The following LRRC1 variants were observed in gnomAD, a reference collection of about 807,000 sequenced individuals.
The protein encoded by LRRC1 is leucine-rich repeat-containing protein 1.
Under a neutral mutation model 69.9 loss-of-function variants are expected in LRRC1, and 28 were observed. The observed-to-expected ratio is 0.40, with a 90% CI of 0.30 to 0.55. The LOEUF (loss-of-function observed/expected upper bound fraction) is 0.55, where lower values mean the gene tolerates loss of function less well. Among genes scored for constraint, LRRC1 ranks in the 20% least tolerant of loss-of-function variants. The pLI, the probability that LRRC1 is intolerant of heterozygous loss-of-function variation, is 0.47. For missense variants in LRRC1, 498 were observed against 609.0 expected (o/e 0.82, Z 1.92); for synonymous variants, 236 against 240.2 (o/e 0.98, Z 0.16).
intron 2 of LRRC1, among the ~76,000 whole-genome samples, chr6:53,871,641 T>TA (rs1254883218): frequency 6.6e-6 from 1 of 152,174 alleles, no homozygotes; most frequent in African/African-American, 2.4e-5. Flanking sequence ...TTAAGTTTGA[T>TA]AAAATCCCAT....
In LRRC1 at chr6:53,923,699, A is replaced by G. The variant is rs1347526748; in HGVS notation, c.*906A>G. On this transcript the variant is annotated 3_prime_UTR_variant, in exon 14 of 14. Transcript: ENST00000370888. ...TACTCTGATGGTATGTGCCATTTGT[A>G]AAATAAAATAGAGCAGAAAAACACA... The G allele has an allele frequency of 6.6e-6, 1 of 152,636 alleles. No homozygotes were observed. Among genetic ancestry groups the G allele is most frequent in the African/African-American group, 2.4e-5 (1 of 41,440 alleles). The allele number at this position is 152,636 out of a possible 1,614,324, so 9.5% of individuals were successfully genotyped here. A position where few individuals can be genotyped will look rare whatever the true frequency, so the allele number is the denominator to read the frequency against.
At chr6:53,813,452 G>C (rs1228976538) in intron 1 of LRRC1, among the ~76,000 whole-genome samples, 1 of 151,876 alleles carries the variant, frequency 6.6e-6, no homozygotes, top group Non-Finnish European at 1.5e-5. Flanking sequence ...ACCAGAGAGT[G>C]CATGCCCCCT....
intron 2 of LRRC1, among the ~76,000 whole-genome samples, chr6:53,864,688 C>T (rs1234406691): frequency 6.6e-6 from 1 of 152,166 alleles, no homozygotes; most frequent in Non-Finnish European, 1.5e-5. Context: ...ATACCCGGTA[C>T]ATAACAGGCC....
intron 2 of LRRC1, among the ~76,000 whole-genome samples, chr6:53,852,002 T>A (rs1015540059): frequency 6.6e-6 from 1 of 152,250 alleles, no homozygotes; most frequent in African/African-American, 2.4e-5. Context: ...AGGTTTATGT[T>A]TGAGGAATCC....
At chr6:53,903,094 C>A (rs533492290) in intron 9 of LRRC1, among the ~76,000 whole-genome samples, 2 of 152,264 alleles carry the variant, frequency 1.3e-5, no homozygotes, top group South Asian at 2.1e-4. Context: ...CATCAGGATT[C>A]CTCTGGCCTC....
At chr6:53,840,085 G>A (rs78309599) in intron 1 of LRRC1, among the ~76,000 whole-genome samples, 28,382 of 151,994 alleles carry the variant, frequency 0.19, 2,902 homozygotes, top group Middle Eastern at 0.33. Flanking sequence ...GCCTTTCTCT[G>A]TTTTGTTGAT....
chr6:53,899,044 G>A (rs1177068340), intron 7 of LRRC1, among the ~76,000 whole-genome samples: 3 of 152,222 alleles, frequency 2.0e-5, no homozygotes, highest in Non-Finnish European at 4.4e-5. Flanking sequence ...AGGTAAAGGA[G>A]TAATGAGGTT....
intron 4 of LRRC1, among the ~76,000 whole-genome samples, chr6:53,884,832 T>C (rs1279883017): frequency 6.6e-6 from 1 of 152,248 alleles, no homozygotes; most frequent in Non-Finnish European, 1.5e-5. Flanking sequence ...TTTTTTATAA[T>C]GTTCATTATT....
intron 10 of LRRC1, among the ~76,000 whole-genome samples, chr6:53,911,944 C>T (rs1768425609): frequency 6.6e-6 from 1 of 152,154 alleles, no homozygotes. Flanking sequence ...TATATTGGGG[C>T]TTGATGTTTC....
At chr6:53,799,794 TA>T (rs1311497642) in intron 1 of LRRC1, among the ~76,000 whole-genome samples, 1 of 152,234 alleles carries the variant, frequency 6.6e-6, no homozygotes, top group Non-Finnish European at 1.5e-5. Context: ...GTTCTGTTTC[TA>T]GGGGGCAGGG....
chr6:53,890,948 TAACTC>T (rs929024773), intron 4 of LRRC1, among the ~76,000 whole-genome samples: 2 of 152,206 alleles, frequency 1.3e-5, no homozygotes, highest in African/African-American at 4.8e-5. Flanking sequence ...GGAAAAAAAT[TAACTC>T]AAGTGGGTTA....
At chr6:53,851,177 C>CACAT (rs921001721) in intron 2 of LRRC1, among the ~76,000 whole-genome samples, 2 of 74,186 alleles carry the variant, frequency 2.7e-5, no homozygotes, top group Non-Finnish European at 5.7e-5. Context: ...TAATAGGACA[C>CACAT]ACACACACAC....
At chr6:53,859,413 A>G (rs936175561) in intron 2 of LRRC1, among the ~76,000 whole-genome samples, 17 of 152,214 alleles carry the variant, frequency 1.1e-4, no homozygotes, top group African/African-American at 4.1e-4. Flanking sequence ...TAAGAAATGC[A>G]TGCAACTTTA....
At chr6:53,903,564 CCTTTTCCTTTTCG>C (rs56737135) in intron 9 of LRRC1, among the ~76,000 whole-genome samples, 30,031 of 150,908 alleles carry the variant, frequency 0.2, 3,414 homozygotes, top group East Asian at 0.5. Context: ...TTTCCCTTTT[CCTTTTCCTTTTCG>C]CTTTTCCTTT....
chr6:53,804,774 A>G (rs976187982), intron 1 of LRRC1, among the ~76,000 whole-genome samples: 9 of 152,232 alleles, frequency 5.9e-5, no homozygotes, highest in Non-Finnish European at 1.3e-4. Flanking sequence ...TTCAAGAAGC[A>G]TATTTGCTGA....
intron 1 of LRRC1, among the ~76,000 whole-genome samples, chr6:53,826,327 G>T: frequency 6.6e-6 from 1 of 151,362 alleles, no homozygotes; most frequent in East Asian, 1.9e-4. Flanking sequence ...TTTGGTTTAT[G>T]TTAATAGAGG....
intron 2 of LRRC1, among the ~76,000 whole-genome samples, chr6:53,845,075 G>A (rs1157220010): frequency 6.6e-6 from 1 of 152,114 alleles, no homozygotes; most frequent in Non-Finnish European, 1.5e-5. Flanking sequence ...TTGGTGGCAC[G>A]TGCCTGTAAT....
At chr6:53,828,612 T>A (rs4278019) in intron 1 of LRRC1, among the ~76,000 whole-genome samples, 44,318 of 152,210 alleles carry the variant, frequency 0.29, 6,941 homozygotes, top group East Asian at 0.55. Flanking sequence ...CACTTGTTGC[T>A]TTGTTTTTGA....
At chr6:53,875,486 TAAAA>T (rs559572258) in intron 2 of LRRC1, among the ~76,000 whole-genome samples, 2 of 147,704 alleles carry the variant, frequency 1.4e-5, no homozygotes, top group Admixed American at 1.3e-4. Context: ...GTGTGACAAG[TAAAA>T]AAAAAAATCA....
Sources: gnomAD v4.1 joint callset for allele counts (sites outside exome capture counted in the v4.1 genomes callset) on GRCh38, gnomAD v4.1.1 for gene constraint, MANE v1.5 for transcripts, NCBI Gene and HGNC (gene_info 2026-07-23, HGNC 2026-07-21) for gene names.